Variants in MYO1D observed in about 807,000 individuals in gnomAD.
MYO1D encodes the protein unconventional myosin-Id.
In MYO1D, 83 loss-of-function variants were observed where a neutral mutation model predicts 122.0. That is an observed-to-expected ratio of 0.68 (90% CI 0.57 to 0.82). The LOEUF (loss-of-function observed/expected upper bound fraction) is 0.82. MYO1D is among the 40% of genes least tolerant of loss of function. MYO1D has a pLI of 0.00. For missense variants in MYO1D, 1,157 were observed against 1,269.5 expected (o/e 0.91, Z 1.35); for synonymous variants, 464 against 446.9 (o/e 1.04, Z -0.48).
chr17:32,554,447 A>G (rs2087050324), intron 21 of MYO1D, among the ~76,000 whole-genome samples: 1 of 152,238 alleles, frequency 6.6e-6, no homozygotes. Flanking sequence ...AATCTGATTA[A>G]AGATGACAAA....
chr17:32,501,667 C>T (rs74947943), intron 21 of MYO1D, among the ~76,000 whole-genome samples: 2,013 of 152,310 alleles, frequency 0.013, 22 homozygotes, highest in Non-Finnish European at 0.018. Flanking sequence ...CAGCACGTAC[C>T]GGGAGGCATC....
At chr17:32,721,292 G>T in intron 14 of MYO1D, 103 bp from the exon 15 acceptor site, 1 of 1,036,356 alleles carries the variant, frequency 9.6e-7, no homozygotes, top group Non-Finnish European at 1.4e-6. Flanking sequence ...TAAGCTCAGT[G>T]CCTCTAATTT....
intron 1 of MYO1D, among the ~76,000 whole-genome samples, chr17:32,866,781 C>T (rs1426589250): frequency 1.3e-5 from 2 of 152,140 alleles, no homozygotes; most frequent in Non-Finnish European, 2.9e-5. Flanking sequence ...CCCACGCATG[C>T]TTAAAGTGAG....
chr17:32,875,238 T>C (rs1410786987), intron 1 of MYO1D, among the ~76,000 whole-genome samples: 1 of 152,224 alleles, frequency 6.6e-6, no homozygotes, highest in African/African-American at 2.4e-5. Flanking sequence ...ACTTATTTCC[T>C]GTGGGGGAGA....
intron 1 of MYO1D, among the ~76,000 whole-genome samples, chr17:32,792,257 C>T (rs1227177237): frequency 6.6e-6 from 1 of 152,052 alleles, no homozygotes; most frequent in East Asian, 1.9e-4. Context: ...AATTATATTG[C>T]CAAATTAGTC....
chr17:32,780,701 C>CATGG lies in MYO1D; in HGVS notation c.178_179insCCAT (p.Arg60ThrfsTer6). ...GCCTTTATACTGCTCAATTGTGTCTCTTCCATAGATGTTCAACAACTTGTA... is the reference window on the plus strand; with the variant it reads ...GCCTTTATACTGCTCAATTGTGTCTCATGGTTCCATAGATGTTCAACAACTTGTA... On this transcript the variant is annotated frameshift_variant, in exon 2 of 22. Coordinates refer to ENST00000318217, the MANE Select transcript of MYO1D (RefSeq NM_015194.3). LOFTEE classifies it high-confidence loss of function. The CATGG allele has an allele frequency of 6.2e-7, 1 of 1,614,150 alleles. No individual in the cohort carries two copies. Among genetic ancestry groups the CATGG allele is most frequent in the South Asian group, 1.1e-5 (1 of 91,074 alleles).
chr17:32,819,916 A>C (rs1427878951), intron 1 of MYO1D, among the ~76,000 whole-genome samples: 1 of 152,214 alleles, frequency 6.6e-6, no homozygotes, highest in African/African-American at 2.4e-5. Flanking sequence ...TTCAATCTAG[A>C]CAACATGCAT....
intron 1 of MYO1D, among the ~76,000 whole-genome samples, chr17:32,855,628 T>C (rs2091021934): frequency 6.6e-6 from 1 of 152,216 alleles, no homozygotes. Context: ...ACATCTAACA[T>C]AGTACTTTCC....
At chr17:32,634,634 T>C (rs2088072406) in intron 20 of MYO1D, among the ~76,000 whole-genome samples, 1 of 152,206 alleles carries the variant, frequency 6.6e-6, no homozygotes, top group African/African-American at 2.4e-5. Flanking sequence ...AAAGCACTCA[T>C]GAAGACTACG....
chr17:32,582,695 A>G (rs948450420), intron 21 of MYO1D, among the ~76,000 whole-genome samples: 3 of 152,198 alleles, frequency 2.0e-5, no homozygotes, highest in Admixed American at 6.5e-5. Context: ...CACATTTTCT[A>G]TATGCTTACT....
chr17:32,580,089 C>T (rs2087317557), intron 21 of MYO1D, among the ~76,000 whole-genome samples: 1 of 151,884 alleles, frequency 6.6e-6, no homozygotes, highest in Non-Finnish European at 1.5e-5. Flanking sequence ...TATAAAATGA[C>T]AATACAAATT....
At chr17:32,667,455 C>A (rs2088652153) in intron 16 of MYO1D, among the ~76,000 whole-genome samples, 1 of 152,132 alleles carries the variant, frequency 6.6e-6, no homozygotes, top group Non-Finnish European at 1.5e-5. Flanking sequence ...TAATTCCTGA[C>A]ACAAAATTCC....
At chr17:32,614,072 A>ATTTTTTTTTTTTTTTTTTTTT in intron 20 of MYO1D, among the ~76,000 whole-genome samples, 1 of 126,624 alleles carries the variant, frequency 7.9e-6, no homozygotes, top group Non-Finnish European at 1.6e-5. Context: ...TAATGTTTTA[A>ATTTTTTTTTTTTTTTTTTTTT]TTTTTTTTTT....
Position 32,599,671 on chromosome 17 carries a change from G to A in MYO1D, c.2864+5416C>T, listed in dbSNP as rs1419878398. Among the ~76,000 whole-genome samples the A allele has an allele frequency of 4.0e-5, 6 of 151,670 alleles. 1 individual carries two copies. The East Asian group carries it at 9.7e-4, about 24-fold the overall frequency. Reference sequence around the variant, plus strand: ...GTTTTTCTTTCATTTTGTTTTTTTTGAGACAGAGTCTCACTCTGTTGCCCA... The same window carrying A: ...GTTTTTCTTTCATTTTGTTTTTTTTAAGACAGAGTCTCACTCTGTTGCCCA... On this transcript the variant is annotated intron_variant, in intron 21 of 21. Transcript: ENST00000318217.
chr17:32,588,142 A>C (rs1282654157), intron 21 of MYO1D, among the ~76,000 whole-genome samples: 2 of 152,232 alleles, frequency 1.3e-5, no homozygotes, highest in Non-Finnish European at 2.9e-5. Context: ...GGATAAGCTA[A>C]AGTCCCCATA....
At chr17:32,552,738 C>G (rs905158597) in intron 21 of MYO1D, among the ~76,000 whole-genome samples, 2 of 152,164 alleles carry the variant, frequency 1.3e-5, no homozygotes, top group Non-Finnish European at 2.9e-5. Context: ...GCTTCTTAAA[C>G]CGGGACACGA....
intron 21 of MYO1D, among the ~76,000 whole-genome samples, chr17:32,583,517 C>T (rs1260008983): frequency 1.3e-5 from 2 of 152,080 alleles, no homozygotes; most frequent in African/African-American, 4.8e-5. Context: ...ATATATAGGC[C>T]ACTTGAAACT....
chr17:32,861,551 C>T (rs2091077452), intron 1 of MYO1D, among the ~76,000 whole-genome samples: 1 of 152,066 alleles, frequency 6.6e-6, no homozygotes, highest in Non-Finnish European at 1.5e-5. Context: ...TTCAATTGCT[C>T]CCCAACATAC....
intron 14 of MYO1D, among the ~76,000 whole-genome samples, chr17:32,730,222 A>G (rs1437410895): frequency 6.7e-6 from 1 of 150,144 alleles, no homozygotes; most frequent in Non-Finnish European, 1.5e-5. Flanking sequence ...TGTATTTTTA[A>G]CTCATCAGAG....
Sources: gnomAD v4.1 joint callset for allele counts (sites outside exome capture counted in the v4.1 genomes callset) on GRCh38, gnomAD v4.1.1 for gene constraint, MANE v1.5 for transcripts, NCBI Gene and HGNC (gene_info 2026-07-23, HGNC 2026-07-21) for gene names.